SV2C: variants seen among roughly 807,000 people sequenced by gnomAD.
SV2C encodes solute carrier family 22 member B3.
SV2C carries 49 observed loss-of-function variants against 79.7 expected under a neutral mutation model. That is an observed-to-expected ratio of 0.61 (90% CI 0.49 to 0.78). The LOEUF (loss-of-function observed/expected upper bound fraction) is 0.78. SV2C is among the 30% of genes least tolerant of loss of function. The pLI, the probability that SV2C is intolerant of heterozygous loss-of-function variation, is 0.00. For missense variants in SV2C, 833 were observed against 912.9 expected, an observed-to-expected ratio of 0.91 and a Z score of 1.13; for synonymous variants, 334 against 333.2, an observed-to-expected ratio of 1.00 and a Z score of -0.03.
At chr5:76,003,362 C>T in the SV2C span, among the ~76,000 whole-genome samples, 1 of 152,168 alleles carries the variant, frequency 6.6e-6, no homozygotes, top group Non-Finnish European at 1.5e-5. Context: ...TATGACAGCA[C>T]ATCTCAAGAG....
At chr5:76,254,253 T>G (rs368064183) in intron 4 of SV2C, among the ~76,000 whole-genome samples, 10,465 of 147,696 alleles carry the variant, frequency 0.071, 389 homozygotes, top group African/African-American at 0.1. Flanking sequence ...TATATATATA[T>G]ATATAGAGAG....
the SV2C span, among the ~76,000 whole-genome samples, chr5:75,869,355 T>C: frequency 1.7e-4 from 26 of 152,104 alleles, no homozygotes; most frequent in South Asian, 1.7e-3. Flanking sequence ...GGGAATATCA[T>C]TGGTAGTCTG....
At chr5:76,041,613 G>A in the SV2C span, among the ~76,000 whole-genome samples, 1 of 152,124 alleles carries the variant, frequency 6.6e-6, no homozygotes, top group Non-Finnish European at 1.5e-5. Flanking sequence ...ATATCTCTTT[G>A]GCTGGTAGAC....
At chr5:76,292,396 A>C (rs1197029025) in intron 8 of SV2C, among the ~76,000 whole-genome samples, 1 of 152,108 alleles carries the variant, frequency 6.6e-6, no homozygotes, top group Non-Finnish European at 1.5e-5. Context: ...CTACCTTCTA[A>C]TATGCAAAAC....
At chr5:76,265,570 C>T (rs569864783) in intron 4 of SV2C, among the ~76,000 whole-genome samples, 21 of 152,324 alleles carry the variant, frequency 1.4e-4, no homozygotes, top group South Asian at 1.0e-3. Flanking sequence ...GAACAGTTGC[C>T]CAATTTTGTG....
chr5:76,025,462 C>T, the SV2C span, among the ~76,000 whole-genome samples: 1 of 152,178 alleles, frequency 6.6e-6, no homozygotes, highest in Non-Finnish European at 1.5e-5. Context: ...TTAAAAAGCT[C>T]TACCTAACAC....
Position 76,138,101 on chromosome 5 carries a change from C to T in SV2C, c.580+5771C>T, listed in dbSNP as rs560987538. Among the ~76,000 whole-genome samples the T allele has an allele frequency of 3.3e-5, 5 of 152,286 alleles. No individual in the cohort carries two copies. The South Asian group carries it at 1.0e-3, about 32-fold the overall frequency. ...AGAGATTGAGATGGATAAGGTTTGG[C>T]TCCTATTACCAGCGGGAATCATAAT... On this transcript the variant is annotated intron_variant, in intron 2 of 12. Transcript: ENST00000502798.
At chr5:75,998,397 C>G in the SV2C span, among the ~76,000 whole-genome samples, 1 of 152,018 alleles carries the variant, frequency 6.6e-6, no homozygotes, top group Non-Finnish European at 1.5e-5. Context: ...CAATAGTATA[C>G]TCATGCCATC....
intron 12 of SV2C, among the ~76,000 whole-genome samples, chr5:76,347,486 C>A (rs1250789401): frequency 6.6e-6 from 1 of 152,006 alleles, no homozygotes; most frequent in Non-Finnish European, 1.5e-5. Flanking sequence ...TCTCTGTCGC[C>A]CAAGCTGGAG....
the SV2C span, among the ~76,000 whole-genome samples, chr5:75,895,051 A>G: frequency 1.3e-5 from 2 of 152,124 alleles, no homozygotes; most frequent in African/African-American, 2.4e-5. Flanking sequence ...GCTGATCACT[A>G]CGCTTACCAA....
the SV2C span, chr5:75,920,938 C>G: frequency 1.4e-6 from 1 of 729,140 alleles, no homozygotes; most frequent in African/African-American, 1.7e-5. Flanking sequence ...TGGCAAAGCT[C>G]TTGGTGATGA....
intron 1 of SV2C, among the ~76,000 whole-genome samples, chr5:76,112,081 A>T (rs531693914): frequency 1.1e-4 from 17 of 152,380 alleles, no homozygotes; most frequent in African/African-American, 3.8e-4. Flanking sequence ...AGAATGTATC[A>T]GGCATTCTGC....
the SV2C span, among the ~76,000 whole-genome samples, chr5:75,883,693 G>A: frequency 8.4e-6 from 1 of 118,556 alleles, no homozygotes; most frequent in Non-Finnish European, 1.7e-5. Context: ...GTTGTGGGGT[G>A]GGGGGAGGGG....
chr5:76,169,716 T>C (rs1053435724), intron 2 of SV2C, among the ~76,000 whole-genome samples: 2 of 152,206 alleles, frequency 1.3e-5, no homozygotes, highest in African/African-American at 2.4e-5. Flanking sequence ...TTGATGCTGC[T>C]TGGAAACCAG....
chr5:75,877,735 A>G, the SV2C span, among the ~76,000 whole-genome samples: 1 of 152,068 alleles, frequency 6.6e-6, no homozygotes, highest in Non-Finnish European at 1.5e-5. Context: ...GCAGAATGAT[A>G]TGGTTTGAAT....
chr5:75,981,706 CA>C, the SV2C span, among the ~76,000 whole-genome samples: 1 of 151,934 alleles, frequency 6.6e-6, no homozygotes, highest in Non-Finnish European at 1.5e-5. Flanking sequence ...ACACCATTTA[CA>C]AAAATCAACT....
At chr5:76,150,113 C>G (rs867828902) in intron 2 of SV2C, among the ~76,000 whole-genome samples, 18 of 152,094 alleles carry the variant, frequency 1.2e-4, no homozygotes, top group African/African-American at 4.1e-4. Flanking sequence ...TCACTTTAGC[C>G]ATAAACATGC....
the SV2C span, among the ~76,000 whole-genome samples, chr5:76,073,544 T>TATAAATACAC: frequency 8.3e-6 from 1 of 121,094 alleles, no homozygotes; most frequent in Non-Finnish European, 1.7e-5. Context: ...TATATATATA[T>TATAAATACAC]ACACCATGGA....
chr5:76,085,354 GT>G (rs1218093862), intron 1 of SV2C, among the ~76,000 whole-genome samples: 3 of 152,064 alleles, frequency 2.0e-5, no homozygotes, highest in Non-Finnish European at 4.4e-5. Context: ...AAAAATACGC[GT>G]TAAAAAACAC....
Sources: allele counts gnomAD v4.1 joint callset (sites outside exome capture counted in the v4.1 genomes callset), GRCh38; gene constraint gnomAD v4.1.1; transcripts MANE v1.5; gene names NCBI Gene and HGNC (gene_info 2026-07-23, HGNC 2026-07-21).